Variants in PRUNE2 observed in about 807,000 individuals in gnomAD.
The protein encoded by PRUNE2 is prune homolog 2 with BCH domain, also known as protein prune homolog 2.
In PRUNE2, 164 loss-of-function variants were observed where a neutral mutation model predicts 252.0. That is an observed-to-expected ratio of 0.65 (90% CI 0.57 to 0.74). The LOEUF is 0.74. Among genes scored for constraint, PRUNE2 ranks in the 30% least tolerant of loss-of-function variants. The pLI, the probability that PRUNE2 is intolerant of heterozygous loss-of-function variation, is 0.00. For synonymous variants in PRUNE2, 1,292 were observed against 1,350.2 expected, an observed-to-expected ratio of 0.96 and a Z score of 0.94; for missense variants, 3,495 against 3,711.0, an observed-to-expected ratio of 0.94 and a Z score of 1.51.
At chr9:76,685,004 G>A (rs1383512594) in intron 9 of PRUNE2, among the ~76,000 whole-genome samples, 6 of 152,050 alleles carry the variant, frequency 3.9e-5, no homozygotes, top group East Asian at 1.9e-4. Context: ...CACCCTGCTC[G>A]GCCTCCCAAA....
At chr9:76,715,860 G>A (rs1318096967) in intron 6 of PRUNE2, among the ~76,000 whole-genome samples, 1 of 151,826 alleles carries the variant, frequency 6.6e-6, no homozygotes, top group Non-Finnish European at 1.5e-5. Context: ...TAGCAACTAT[G>A]AACTGTAAAA....
intron 1 of PRUNE2, among the ~76,000 whole-genome samples, chr9:76,888,318 C>T (rs1207843446): frequency 6.6e-6 from 1 of 152,166 alleles, no homozygotes; most frequent in East Asian, 1.9e-4. Context: ...GTGGCTCACG[C>T]CTGTAATCCC....
At chr9:76,803,043 C>A (rs1233981292) in intron 6 of PRUNE2, among the ~76,000 whole-genome samples, 1 of 152,196 alleles carries the variant, frequency 6.6e-6, no homozygotes, top group Non-Finnish European at 1.5e-5. Context: ...ATTGTTCGCT[C>A]TTTCCCTCAA....
chr9:76,680,002 A>T (rs924534844), intron 9 of PRUNE2, among the ~76,000 whole-genome samples: 2 of 152,250 alleles, frequency 1.3e-5, no homozygotes, highest in Admixed American at 6.5e-5. Flanking sequence ...AAGAAAAAAT[A>T]GATGGGACAA....
chr9:76,637,482 T>A lies in PRUNE2; in HGVS notation c.8899A>T (p.Thr2967Ser). 1 of 1,613,448 alleles carries A rather than the reference T, an allele frequency of 6.2e-7. No individual in the cohort carries two copies. Among genetic ancestry groups the A allele is most frequent in the Non-Finnish European group, 8.5e-7 (1 of 1,179,552 alleles). The change falls in exon 14 of 19, where the codon ACC (threonine) becomes TCC (serine). Residue 2967 changes from threonine to serine, a missense_variant. Transcript: ENST00000376718. The part of the protein sequence containing the change: ...DYMIVYLNGA[T>S]PRRRMPGLGW... ...AGCCCTGGCATCCTCCTTCTTGGGG[T>A]TGCACCATTCAAGTACACAATCATA...
At chr9:76,640,964 T>C (rs190659353) in intron 12 of PRUNE2, among the ~76,000 whole-genome samples, 1 of 152,344 alleles carries the variant, frequency 6.6e-6, no homozygotes, top group African/African-American at 2.4e-5. Context: ...TTTCTTTATT[T>C]CCATGAACTT....
At chr9:76,802,834 C>G (rs1239257067) in intron 6 of PRUNE2, among the ~76,000 whole-genome samples, 1 of 152,002 alleles carries the variant, frequency 6.6e-6, no homozygotes, top group Non-Finnish European at 1.5e-5. Flanking sequence ...GTTGTTTTCC[C>G]CCTTTGTATA....
chr9:76,810,189 T>TA (rs1331046242), intron 6 of PRUNE2, among the ~76,000 whole-genome samples: 2 of 152,232 alleles, frequency 1.3e-5, no homozygotes, highest in African/African-American at 4.8e-5. Context: ...GGGCAAAACA[T>TA]AGACACAAAT....
chr9:76,646,838 G>C (rs1459129008), intron 11 of PRUNE2, among the ~76,000 whole-genome samples: 1 of 152,126 alleles, frequency 6.6e-6, no homozygotes, highest in Non-Finnish European at 1.5e-5. Flanking sequence ...TCTCTGTGGG[G>C]TGAACGTAGG....
chr9:76,706,675 G>T lies in PRUNE2; in HGVS notation c.5599C>A (p.Pro1867Thr). 14 of 1,613,716 alleles carry T rather than the reference G, an allele frequency of 8.7e-6. No individual in the cohort carries two copies. Among genetic ancestry groups the T allele is most frequent in the Non-Finnish European group, 1.2e-5 (14 of 1,179,784 alleles). Residue 1867 changes from proline to threonine, a missense_variant, in exon 8 of 19, where the codon CCC (proline) becomes ACC (threonine). Pro to Thr is a conservative substitution (Grantham distance 38). Transcript: ENST00000376718. The part of the protein sequence containing the change: ...INSSVHQNAS[P>T]WGVPVQGDIE... Reference sequence around the variant, plus strand: ...TCACCCTGAACTGGTACTCCCCAGGGACTGGCATTTTGGTGTACTGAAGAA... The same window carrying T: ...TCACCCTGAACTGGTACTCCCCAGGTACTGGCATTTTGGTGTACTGAAGAA...
At chr9:76,837,808 G>A (rs1427017834) in intron 4 of PRUNE2, among the ~76,000 whole-genome samples, 1 of 139,938 alleles carries the variant, frequency 7.1e-6, no homozygotes, top group Admixed American at 7.5e-5. Flanking sequence ...GTCTTGCTCT[G>A]TCGCCCAGGC....
chr9:76,635,322 C>T (rs1839558129), intron 15 of PRUNE2, among the ~76,000 whole-genome samples: 1 of 152,144 alleles, frequency 6.6e-6, no homozygotes, highest in African/African-American at 2.4e-5. Flanking sequence ...AACAGCTAAT[C>T]TTTGCCAGAG....
At chr9:76,728,584 A>C (rs190498013) in intron 6 of PRUNE2, among the ~76,000 whole-genome samples, 1 of 152,270 alleles carries the variant, frequency 6.6e-6, no homozygotes. Flanking sequence ...CATTGACTGA[A>C]CTTTGATAGT....
intron 6 of PRUNE2, among the ~76,000 whole-genome samples, chr9:76,812,680 G>C (rs1196916436): frequency 6.6e-6 from 1 of 152,172 alleles, no homozygotes; most frequent in African/African-American, 2.4e-5. Context: ...GACTGTGGTA[G>C]GCAAATAACA....
chr9:76,856,831 G>A (rs900054523), intron 1 of PRUNE2, among the ~76,000 whole-genome samples: 2 of 151,528 alleles, frequency 1.3e-5, no homozygotes, highest in Non-Finnish European at 2.9e-5. Context: ...TTGGCTCACT[G>A]CAACCTCCGC....
At chr9:76,795,560 T>C (rs1196781922) in intron 6 of PRUNE2, among the ~76,000 whole-genome samples, 1 of 152,188 alleles carries the variant, frequency 6.6e-6, no homozygotes, top group Non-Finnish European at 1.5e-5. Context: ...GGGGGGAGCA[T>C]GTTCTCCCAA....
chr9:76,795,484 A>G (rs1589270316), intron 6 of PRUNE2, among the ~76,000 whole-genome samples: 2 of 152,270 alleles, frequency 1.3e-5, no homozygotes, highest in East Asian at 3.9e-4. Context: ...CAGCCCAGAG[A>G]CAGTTCACAA....
chr9:76,612,983 G>A lies in PRUNE2; in HGVS notation c.*1587C>T, dbSNP rs144654713. ...CTTCTTTGTAATAGGAGACACTGGAGACTAAGAATGGTTCCCAGAGTGAGG... is the reference window on the plus strand; with the variant it reads ...CTTCTTTGTAATAGGAGACACTGGAAACTAAGAATGGTTCCCAGAGTGAGG... On this transcript the variant is annotated 3_prime_UTR_variant, in exon 19 of 19. Transcript: ENST00000376718. 1 of 152,198 alleles carries A rather than the reference G, an allele frequency of 6.6e-6. No individual in the cohort carries two copies. Among genetic ancestry groups the A allele is most frequent in the Non-Finnish European group, 1.5e-5 (1 of 68,058 alleles). The allele number at this position is 152,198 out of a possible 1,614,324, so 9.4% of individuals were successfully genotyped here.
At chr9:76,670,007 A>G (rs1310453657) in intron 9 of PRUNE2, among the ~76,000 whole-genome samples, 1 of 152,138 alleles carries the variant, frequency 6.6e-6, no homozygotes, top group Non-Finnish European at 1.5e-5. Flanking sequence ...CTTGGACCCT[A>G]GTTGTTCATT....
Sources: allele counts gnomAD v4.1 joint callset (sites outside exome capture counted in the v4.1 genomes callset), GRCh38; gene constraint gnomAD v4.1.1; transcripts MANE v1.5; gene names NCBI Gene and HGNC (gene_info 2026-07-23, HGNC 2026-07-21).